Variants in VAV2 observed in about 807,000 individuals in gnomAD.
VAV2 encodes guanine nucleotide exchange factor VAV2.
In VAV2, 67 loss-of-function variants were observed where a neutral mutation model predicts 132.5. The observed-to-expected ratio is 0.51, with a 90% CI of 0.42 to 0.62. VAV2 has a LOEUF of 0.62. Among genes scored for constraint, VAV2 ranks in the 20% least tolerant of loss-of-function variants. VAV2 has a pLI of 0.00. For synonymous variants in VAV2, 492 were observed against 443.5 expected, an observed-to-expected ratio of 1.11 and a Z score of -1.37; for missense variants, 938 against 1,153.6, an observed-to-expected ratio of 0.81 and a Z score of 2.71.
chr9:133,861,373 C>T lies in VAV2; in HGVS notation c.380+1G>A. ...TTGGCAGCGCACTCCGGAGAGCTCACCTGATCCCTTTGTTCTGCGCGATGC... is the reference window on the plus strand; with the variant it reads ...TTGGCAGCGCACTCCGGAGAGCTCATCTGATCCCTTTGTTCTGCGCGATGC... On this transcript the variant is annotated splice_donor_variant, in intron 3 of 29. Transcript: ENST00000371850. LOFTEE classifies it high-confidence loss of function. The T allele has an allele frequency of 6.2e-7, 1 of 1,612,216 alleles. No homozygotes were observed. Among genetic ancestry groups the T allele is most frequent in the Non-Finnish European group, 8.5e-7 (1 of 1,179,060 alleles).
Position 133,866,312 on chromosome 9 carries a change from G to C in VAV2, c.322-4880C>G, listed in dbSNP as rs547950327. ...ATTTAAAGAGGGATTCTACGTGTTG[G>C]GGGGAGGGGAGGAGCCCACGCTCAC... On this transcript the variant is annotated intron_variant, in intron 2 of 29. Coordinates refer to ENST00000371850, the MANE Select transcript of VAV2 (RefSeq NM_001134398.2). Among the ~76,000 whole-genome samples, 10 of 152,304 alleles carry C rather than the reference G, an allele frequency of 6.6e-5. No individual in the cohort carries two copies. The East Asian group carries it at 1.7e-3, about 26-fold the overall frequency.
chr9:133,970,820 A>G (rs1443095305), intron 1 of VAV2, among the ~76,000 whole-genome samples: 1 of 152,222 alleles, frequency 6.6e-6, no homozygotes, highest in African/African-American at 2.4e-5. Context: ...CCTCAATCAC[A>G]GTAAATGCAA....
chr9:133,861,455 C>T (rs1837592923), intron 2 of VAV2, 23 bp from the exon 3 acceptor site: 2 of 1,611,106 alleles, frequency 1.2e-6, no homozygotes, highest in South Asian at 1.1e-5. Context: ...AGAAGAGACG[C>T]TCCTGTAATT....
intron 4 of VAV2, among the ~76,000 whole-genome samples, chr9:133,817,509 G>C (rs1835607246): frequency 6.6e-6 from 1 of 152,208 alleles, no homozygotes; most frequent in African/African-American, 2.4e-5. Context: ...TCGGGAGACT[G>C]AGACAGGAGA....
chr9:133,873,541 C>T (rs1838143777), intron 2 of VAV2, among the ~76,000 whole-genome samples: 1 of 152,192 alleles, frequency 6.6e-6, no homozygotes, highest in African/African-American at 2.4e-5. Flanking sequence ...ACAGGAGCGG[C>T]ACTGCCCTGG....
Position 133,991,746 on chromosome 9 carries a change from G to T in VAV2, c.204+329C>A, listed in dbSNP as rs1385780844. 6.6e-6 allele frequency among the ~76,000 whole-genome samples: 1 copy of T among 151,316 alleles called. No individual in the cohort carries two copies. Among genetic ancestry groups the T allele is most frequent in the Non-Finnish European group, 1.5e-5 (1 of 67,718 alleles). ...TCGGCAGGCTCCCTGGGAAATGAGGGGCCACTCGCAGGGCCCCGCAGAGCG... is the reference window on the plus strand; with the variant it reads ...TCGGCAGGCTCCCTGGGAAATGAGGTGCCACTCGCAGGGCCCCGCAGAGCG... On this transcript the variant is annotated intron_variant, in intron 1 of 29. Coordinates refer to ENST00000371850, the MANE Select transcript of VAV2 (RefSeq NM_001134398.2). The surrounding 1 kb of genome is among the most constrained non-coding windows in gnomAD (Gnocchi z 4.8).
chr9:133,945,581 G>A (rs768287703), intron 1 of VAV2, among the ~76,000 whole-genome samples: 9 of 152,182 alleles, frequency 5.9e-5, no homozygotes, highest in African/African-American at 1.2e-4. Context: ...GCCCATGCCC[G>A]GGAAAGTCCC....
intron 2 of VAV2, among the ~76,000 whole-genome samples, chr9:133,864,122 T>C (rs1244124014): frequency 6.6e-6 from 1 of 152,196 alleles, no homozygotes; most frequent in East Asian, 1.9e-4. Context: ...TTCCCTACTT[T>C]TATTACCTCG....
At chr9:133,916,600 G>A (rs1840100403) in intron 2 of VAV2, among the ~76,000 whole-genome samples, 1 of 152,064 alleles carries the variant, frequency 6.6e-6, no homozygotes, top group Non-Finnish European at 1.5e-5. Flanking sequence ...AGGAGGGGGT[G>A]AACAGAGAAA....
chr9:133,898,155 C>T lies in VAV2; in HGVS notation c.322-36723G>A, dbSNP rs569372875. Among the ~76,000 whole-genome samples, 22 of 152,254 alleles carry T rather than the reference C, an allele frequency of 1.4e-4. 1 individual carries two copies. In the South Asian group the frequency reaches 3.3e-3, roughly 23 times the overall value. On this transcript the variant is annotated intron_variant, in intron 2 of 29. Transcript: ENST00000371850. ...AGGGACCTCGGAGATGGGCCTGCCC[C>T]GGGCTGCAAAGCACAGAGAAGGAAA...
chr9:133,930,791 C>G (rs74937789), intron 2 of VAV2, among the ~76,000 whole-genome samples: 1 of 152,068 alleles, frequency 6.6e-6, no homozygotes, highest in Non-Finnish European at 1.5e-5. Context: ...CAGGAGAGGC[C>G]GGCACTCAGG....
Position 133,779,904 on chromosome 9 carries a change from T to C in VAV2, c.1762+14A>G, listed in dbSNP as rs950389100. ...CATGGGTGATAGCAGAGGGCCCAGG[T>C]CCAGAAGACTCACCTGGTCCCGCTC... is the stretch of plus-strand genomic sequence containing the variant. On this transcript the variant is annotated intron_variant, in intron 21 of 29. Transcript: ENST00000371850. 30 of 1,611,090 alleles carry C rather than the reference T, an allele frequency of 1.9e-5. No homozygotes were observed. The highest frequency in any genetic ancestry group is 2.7e-5 in the African/African-American group (2 of 74,864).
chr9:133,768,162 T>C lies in VAV2; in HGVS notation c.2589+280A>G, dbSNP rs113141028. Among the ~76,000 whole-genome samples, 53 of 152,194 alleles carry C rather than the reference T, an allele frequency of 3.5e-4. No individual in the cohort carries two copies. Among genetic ancestry groups the C allele is most frequent in the African/African-American group, 1.2e-3 (49 of 41,516 alleles). On this transcript the variant is annotated intron_variant, in intron 29 of 29. Transcript: ENST00000371850. This position sits in a 1 kb window ranked among gnomAD's most constrained non-coding sequence, Gnocchi z 5.3. ...CTATGAGGGCAGCCCAGAATAAAAA[T>C]GGAACAGGGTCGGGGGGTTCCTAGG...
intron 2 of VAV2, among the ~76,000 whole-genome samples, chr9:133,876,262 T>C (rs558167584): frequency 1.9e-4 from 29 of 152,318 alleles, no homozygotes; most frequent in Non-Finnish European, 4.1e-4. Context: ...ACTAATACAA[T>C]ATTGGAAAGG....
chr9:133,871,917 A>G (rs113966276), intron 2 of VAV2, among the ~76,000 whole-genome samples: 66 of 152,212 alleles, frequency 4.3e-4, no homozygotes, highest in African/African-American at 1.5e-3. Context: ...GTTCAGGGAC[A>G]CAGCCTCCAG....
At chr9:133,872,195 C>A (rs543808708) in intron 2 of VAV2, among the ~76,000 whole-genome samples, 1 of 152,092 alleles carries the variant, frequency 6.6e-6, no homozygotes, top group East Asian at 1.9e-4. Context: ...TGAACCAGGG[C>A]GTCAGTGACC....
At chr9:133,916,631 G>A (rs1840101581) in intron 2 of VAV2, among the ~76,000 whole-genome samples, 1 of 152,142 alleles carries the variant, frequency 6.6e-6, no homozygotes, top group Non-Finnish European at 1.5e-5. Flanking sequence ...AGAGCCGGGA[G>A]TGCCTGTGTA....
chr9:133,866,079 T>A (rs1302572911), intron 2 of VAV2, among the ~76,000 whole-genome samples: 9 of 152,034 alleles, frequency 5.9e-5, no homozygotes. Flanking sequence ...CTCCATTCCA[T>A]CTCCCTCACC....
At chr9:133,987,514 C>T (rs1842893927) in intron 1 of VAV2, among the ~76,000 whole-genome samples, 1 of 152,246 alleles carries the variant, frequency 6.6e-6, no homozygotes, top group Admixed American at 6.5e-5. Flanking sequence ...AAAACCATCG[C>T]CAGGCTGGCG....
Sources: allele counts gnomAD v4.1 joint callset (sites outside exome capture counted in the v4.1 genomes callset), GRCh38; gene constraint gnomAD v4.1.1; non-coding constraint Gnocchi (gnomAD v3.1); transcripts MANE v1.5; gene names NCBI Gene and HGNC (gene_info 2026-07-23, HGNC 2026-07-21).